The following HHIP variants were observed in gnomAD, a reference collection of about 807,000 sequenced individuals.
The protein encoded by HHIP is hedgehog-interacting protein.
In HHIP, 12 loss-of-function variants were observed where a neutral mutation model predicts 74.0. The ratio of observed to expected loss-of-function variants is 0.16; its 90% CI spans 0.10 to 0.26. The LOEUF is 0.26. Among genes scored for constraint, HHIP ranks in the 10% least tolerant of loss-of-function variants. HHIP has a pLI of 1.00. For missense variants in HHIP, 788 were observed against 845.0 expected, an observed-to-expected ratio of 0.93 and a Z score of 0.84; for synonymous variants, 309 against 311.6, an observed-to-expected ratio of 0.99 and a Z score of 0.09.
chr4:144,694,493 G>A (rs1310416650), intron 4 of HHIP, among the ~76,000 whole-genome samples: 1 of 151,740 alleles, frequency 6.6e-6, no homozygotes, highest in Admixed American at 6.6e-5. Flanking sequence ...GTATACCAGT[G>A]TTATATTTCT....
chr4:144,725,440 T>C (rs1730769383), intron 11 of HHIP, among the ~76,000 whole-genome samples: 1 of 152,252 alleles, frequency 6.6e-6, no homozygotes, highest in Non-Finnish European at 1.5e-5. Flanking sequence ...AAACTTGTTT[T>C]AAATTTCTTT....
chr4:144,647,530 A>C (rs72617422), intron 1 of HHIP, among the ~76,000 whole-genome samples: 5,034 of 152,220 alleles, frequency 0.033, 288 homozygotes, highest in East Asian at 0.21. Context: ...CTGGCGAAAG[A>C]TTTTGCTGGG....
rs200461161 is a variant in HHIP, at chr4:144,738,217, A to C, written c.*260A>C. 74 of 1,046,906 alleles carry C rather than the reference A, an allele frequency of 7.1e-5. No individual in the cohort carries two copies. Among genetic ancestry groups the C allele is most frequent in the Admixed American group, 2.2e-4 (4 of 18,566 alleles). 64.9% of individuals were successfully genotyped at this position (1,046,906 alleles called of 1,614,324 possible). ...TTTAAAATATATACTTCCTTATGCA[A>C]AGTAATTTACACAGAAATTCCATTG... is the stretch of plus-strand genomic sequence containing the variant. On this transcript the variant is annotated 3_prime_UTR_variant, in exon 13 of 13. Transcript: ENST00000296575.
At chr4:144,673,288 T>C (rs1729090283) in intron 4 of HHIP, among the ~76,000 whole-genome samples, 1 of 152,250 alleles carries the variant, frequency 6.6e-6, no homozygotes, top group African/African-American at 2.4e-5. Flanking sequence ...TTTTTACACA[T>C]GGTGTTTCCA....
chr4:144,711,074 G>T (rs954862624), intron 7 of HHIP, among the ~76,000 whole-genome samples: 5 of 152,028 alleles, frequency 3.3e-5, no homozygotes, highest in African/African-American at 1.2e-4. Flanking sequence ...TCCTGTCAGT[G>T]GCTTAAGTCA....
chr4:144,662,310 T>C (rs559978659), intron 4 of HHIP, among the ~76,000 whole-genome samples: 42 of 152,264 alleles, frequency 2.8e-4, no homozygotes, highest in African/African-American at 9.6e-4. Context: ...GAGCCAATCA[T>C]AAGGGAACTT....
chr4:144,695,530 T>G (rs1355845459), intron 4 of HHIP, among the ~76,000 whole-genome samples: 3 of 151,768 alleles, frequency 2.0e-5, no homozygotes, highest in African/African-American at 7.2e-5. Context: ...ACATTGGGTT[T>G]GTTTTTGGAG....
chr4:144,731,547 G>A (rs112985343), intron 11 of HHIP, among the ~76,000 whole-genome samples: 1 of 152,256 alleles, frequency 6.6e-6, no homozygotes, highest in Non-Finnish European at 1.5e-5. Flanking sequence ...AGCCTCCTGA[G>A]TAGCTGGGAT....
chr4:144,713,450 T>G (rs1730356785), intron 8 of HHIP, among the ~76,000 whole-genome samples: 2 of 152,204 alleles, frequency 1.3e-5, no homozygotes, highest in African/African-American at 4.8e-5. Flanking sequence ...TCACAAAAGC[T>G]TTTGATAAAA....
At chr4:144,718,829 C>A (rs1235709003) in intron 10 of HHIP, 46 bp from the exon 11 acceptor site, 2 of 1,101,196 alleles carry the variant, frequency 1.8e-6, no homozygotes, top group Non-Finnish European at 2.8e-6. Context: ...GAAGTAAGGA[C>A]CTCTACTGCT....
At chr4:144,733,187 G>T (rs1463631569) in intron 11 of HHIP, among the ~76,000 whole-genome samples, 1 of 152,114 alleles carries the variant, frequency 6.6e-6, no homozygotes, top group East Asian at 1.9e-4. Flanking sequence ...GGAACATATG[G>T]AAACTGTTAA....
chr4:144,735,212 A>G (rs960221198), intron 12 of HHIP, among the ~76,000 whole-genome samples: 2 of 152,110 alleles, frequency 1.3e-5, no homozygotes, highest in Non-Finnish European at 2.9e-5. Context: ...GAAATTTCAC[A>G]CTAGCCAATG....
intron 11 of HHIP, among the ~76,000 whole-genome samples, chr4:144,724,597 C>A (rs928789415): frequency 6.7e-6 from 1 of 149,824 alleles, no homozygotes. Context: ...GCATATCCAT[C>A]GCCTTACCTA....
At chr4:144,672,778 T>C (rs1729074081) in intron 4 of HHIP, among the ~76,000 whole-genome samples, 1 of 152,202 alleles carries the variant, frequency 6.6e-6, no homozygotes, top group Non-Finnish European at 1.5e-5. Context: ...CTCGGCTTAC[T>C]GCAACCCCTG....
In HHIP at chr4:144,738,704, A is replaced by AT. The variant is rs1338079050; in HGVS notation, c.*752dup. The stretch of plus-strand genomic sequence containing the variant: ...GTTACATATTTATATATTTTATTTT[A>AT]TTTTTATAATATAGACATCACCTAG... On this transcript the variant is annotated 3_prime_UTR_variant, in exon 13 of 13. Transcript: ENST00000296575. 1.3e-6 allele frequency: 1 copy of AT among 779,018 alleles called. No individual in the cohort carries two copies. Among genetic ancestry groups the AT allele is most frequent in the Non-Finnish European group, 1.6e-6 (1 of 641,620 alleles). The allele number at this position is 779,018 out of a possible 1,614,324, so 48.3% of individuals were successfully genotyped here. A position where few individuals can be genotyped will look rare whatever the true frequency, so the allele number is the denominator to read the frequency against.
chr4:144,724,397 T>C (rs1011555688), intron 11 of HHIP, among the ~76,000 whole-genome samples: 5 of 152,124 alleles, frequency 3.3e-5, no homozygotes, highest in African/African-American at 1.2e-4. Flanking sequence ...ATTTATAAAA[T>C]GCAAAACTAC....
intron 4 of HHIP, among the ~76,000 whole-genome samples, chr4:144,697,941 TG>T (rs1729866626): frequency 6.6e-6 from 1 of 152,142 alleles, no homozygotes; most frequent in Non-Finnish European, 1.5e-5. Context: ...TTTTGTTTTT[TG>T]AAGAGAGTAG....
At chr4:144,653,013 G>A (rs1004628289) in intron 2 of HHIP, among the ~76,000 whole-genome samples, 12 of 151,996 alleles carry the variant, frequency 7.9e-5, no homozygotes, top group African/African-American at 2.9e-4. Context: ...TGGTTTTGTT[G>A]ACTTGTTATA....
rs1731184875 is a variant in HHIP, at chr4:144,738,509, T to C, written c.*552T>C. On this transcript the variant is annotated 3_prime_UTR_variant, in exon 13 of 13. Coordinates refer to ENST00000296575, the MANE Select transcript of HHIP (RefSeq NM_022475.3). ...TTTGTCAGTGTATCCAGTTACAGAA[T>C]GCTACACACTTACCTTTTTATTGGC... 2 of 973,406 alleles carry C rather than the reference T, an allele frequency of 2.1e-6. No homozygotes were observed. Among genetic ancestry groups the C allele is most frequent in the African/African-American group, 1.8e-5 (1 of 57,050 alleles). 60.3% of individuals were successfully genotyped at this position (973,406 alleles called of 1,614,324 possible).
Sources: allele counts gnomAD v4.1 joint callset (sites outside exome capture counted in the v4.1 genomes callset), GRCh38; gene constraint gnomAD v4.1.1; transcripts MANE v1.5; gene names NCBI Gene and HGNC (gene_info 2026-07-23, HGNC 2026-07-21).